The following CLGN variants were observed in gnomAD, a reference collection of about 807,000 sequenced individuals.
The protein encoded by CLGN is calmegin.
Under a neutral mutation model 79.1 loss-of-function variants are expected in CLGN, and 62 were observed. The observed-to-expected ratio is 0.78, with a 90% confidence interval of 0.64 to 0.97. CLGN has a LOEUF of 0.97. CLGN is among the 50% of genes least tolerant of loss of function. The probability of loss-of-function intolerance (pLI) is 0.00; values close to 1 mark genes in which losing one functional copy is unlikely to be tolerated. For missense variants in CLGN, 647 were observed against 715.5 expected (o/e 0.90, Z 1.09); for synonymous variants, 225 against 224.7 (o/e 1.00, Z -0.01).
intron 1 of CLGN, among the ~76,000 whole-genome samples, chr4:140,425,429 G>GGTGTGTGTGT (rs754897067): frequency 1.5e-3 from 170 of 116,934 alleles, no homozygotes; most frequent in Middle Eastern, 4.2e-3. Context: ...GAATCAATAG[G>GGTGTGTGTGT]GTGTGTGTGT....
At chr4:140,399,599 T>G (rs1728962320) in intron 7 of CLGN, among the ~76,000 whole-genome samples, 1 of 152,156 alleles carries the variant, frequency 6.6e-6, no homozygotes, top group Non-Finnish European at 1.5e-5. Flanking sequence ...CTGCAGCATT[T>G]GGGGAAAAAG....
At chr4:140,393,244 C>T (rs868762231) in intron 11 of CLGN, among the ~76,000 whole-genome samples, 1 of 152,186 alleles carries the variant, frequency 6.6e-6, no homozygotes. Context: ...AATCCCTCTT[C>T]ACCTACTCTT....
chr4:140,424,589 A>G (rs1360169394), intron 1 of CLGN, among the ~76,000 whole-genome samples: 3 of 152,172 alleles, frequency 2.0e-5, no homozygotes, highest in Non-Finnish European at 4.4e-5. Flanking sequence ...TAATTTTAGT[A>G]CAGCAAGAAT....
intron 1 of CLGN, among the ~76,000 whole-genome samples, chr4:140,422,306 T>C (rs1578610505): frequency 1.3e-5 from 2 of 152,162 alleles, no homozygotes; most frequent in East Asian, 3.8e-4. Flanking sequence ...AAAAGTGCTA[T>C]TAGGATTATG....
intron 1 of CLGN, among the ~76,000 whole-genome samples, chr4:140,424,670 T>C (rs1729529103): frequency 2.0e-5 from 3 of 152,176 alleles, no homozygotes; most frequent in Non-Finnish European, 1.5e-5. Context: ...AATTAAAAGG[T>C]AGCATGCCCA....
intron 1 of CLGN, among the ~76,000 whole-genome samples, chr4:140,420,062 A>G (rs551473704): frequency 6.7e-4 from 102 of 152,272 alleles, no homozygotes; most frequent in African/African-American, 2.4e-3. Flanking sequence ...CATTAATATA[A>G]CTTTAGACCC....
chr4:140,389,597 C>T (rs1173708100), intron 14 of CLGN, among the ~76,000 whole-genome samples: 1 of 151,664 alleles, frequency 6.6e-6, no homozygotes, highest in Non-Finnish European at 1.5e-5. Context: ...AATACATATT[C>T]AAGTAAATGA....
At chr4:140,394,976 G>A (rs1032984719) in intron 10 of CLGN, among the ~76,000 whole-genome samples, 3 of 151,968 alleles carry the variant, frequency 2.0e-5, no homozygotes, top group Non-Finnish European at 2.9e-5. Flanking sequence ...TCAGGAGTTC[G>A]AGACCAGCCT....
chr4:140,421,699 G>A (rs1729472877), intron 1 of CLGN, among the ~76,000 whole-genome samples: 1 of 152,086 alleles, frequency 6.6e-6, no homozygotes, highest in Non-Finnish European at 1.5e-5. Flanking sequence ...TCTGGATACT[G>A]ACCCCTTATC....
chr4:140,412,888 G>A lies in CLGN; in HGVS notation c.144+47C>T, dbSNP rs960093062. ...ATCACCAGAGGTCAATCACTTCATT[G>A]TACTATGTAAAGGAATAATTTATAA... On this transcript the variant is annotated intron_variant, in intron 2 of 14. Transcript: ENST00000325617. 9 of 1,522,402 alleles carry A rather than the reference G, an allele frequency of 5.9e-6. No individual in the cohort carries two copies. In the East Asian group the frequency reaches 2.0e-4, roughly 34 times the overall value. 94.3% of individuals were successfully genotyped at this position (1,522,402 alleles called of 1,614,324 possible).
intron 1 of CLGN, among the ~76,000 whole-genome samples, chr4:140,425,469 T>TAC (rs1560750684): frequency 5.3e-5 from 8 of 151,022 alleles, no homozygotes; most frequent in African/African-American, 2.0e-4. Context: ...TGTGTGTGTG[T>TAC]ACATACAGGC....
chr4:140,390,384 T>C (rs542623169), intron 14 of CLGN, among the ~76,000 whole-genome samples: 19 of 151,940 alleles, frequency 1.3e-4, no homozygotes, highest in African/African-American at 4.6e-4. Flanking sequence ...GATACATGTA[T>C]TCTATCTTTA....
chr4:140,402,371 A>C (rs1729016451), intron 5 of CLGN, among the ~76,000 whole-genome samples: 1 of 152,080 alleles, frequency 6.6e-6, no homozygotes. Context: ...ACTGTAACTA[A>C]AACTACAACA....
chr4:140,418,699 A>G (rs1324672133), intron 1 of CLGN, among the ~76,000 whole-genome samples: 2 of 151,448 alleles, frequency 1.3e-5, no homozygotes, highest in African/African-American at 4.9e-5. Context: ...AAAGTCAGGA[A>G]ACAACAGGTG....
intron 1 of CLGN, among the ~76,000 whole-genome samples, chr4:140,424,219 T>A (rs998267277): frequency 1.3e-5 from 2 of 152,206 alleles, no homozygotes; most frequent in African/African-American, 2.4e-5. Flanking sequence ...TGTTCTCCTT[T>A]TCATTTGTCT....
At chr4:140,421,417 G>C (rs1729467197) in intron 1 of CLGN, among the ~76,000 whole-genome samples, 1 of 151,870 alleles carries the variant, frequency 6.6e-6, no homozygotes, top group African/African-American at 2.4e-5. Context: ...CCACCAACAA[G>C]GCACAAGGGT....
At chr4:140,397,093 C>A (rs1224504009) in intron 8 of CLGN, among the ~76,000 whole-genome samples, 2 of 151,254 alleles carry the variant, frequency 1.3e-5, no homozygotes, top group African/African-American at 4.9e-5. Context: ...AGAATATATG[C>A]CATTTCTCAT....
At chr4:140,390,813 T>C (rs1728759217) in intron 13 of CLGN, 85 bp from the exon 14 acceptor site, 1 of 732,960 alleles carries the variant, frequency 1.4e-6, no homozygotes, top group African/African-American at 1.8e-5. Flanking sequence ...AAATGGGATT[T>C]ATTTAAATTC....
In CLGN at chr4:140,388,938, A is replaced by G; in HGVS notation, c.*286T>C. 3.0e-6 allele frequency: 1 copy of G among 337,370 alleles called. No homozygotes were observed. Among genetic ancestry groups the G allele is most frequent in the Non-Finnish European group, 5.4e-6 (1 of 184,048 alleles). 20.9% of individuals were successfully genotyped at this position (337,370 alleles called of 1,614,324 possible). On this transcript the variant is annotated 3_prime_UTR_variant, in exon 15 of 15. Transcript: ENST00000325617. ...TGCTACATATTATTTTGTTCTGTAC[A>G]AACCAAAACTATCTCCAAACAACTA...
Sources: gnomAD v4.1 joint callset for allele counts (sites outside exome capture counted in the v4.1 genomes callset) on GRCh38, gnomAD v4.1.1 for gene constraint, MANE v1.5 for transcripts, NCBI Gene and HGNC (gene_info 2026-07-23, HGNC 2026-07-21) for gene names.